The following ZNF567 variants were observed in gnomAD, a reference collection of about 807,000 sequenced individuals.
The protein encoded by ZNF567 is zinc finger protein 567.
ZNF567 carries 36 observed loss-of-function variants against 53.9 expected under a neutral mutation model. That is an observed-to-expected ratio of 0.67 (90% CI 0.51 to 0.88). The LOEUF is 0.88. Ranked by LOEUF, ZNF567 falls within the 40% of genes least tolerant of loss-of-function variation. The probability of loss-of-function intolerance (pLI) is 0.00; values close to 1 mark genes in which losing one functional copy is unlikely to be tolerated. For missense variants in ZNF567, 619 were observed against 764.7 expected (o/e 0.81, Z 2.25); for synonymous variants, 224 against 260.4 (o/e 0.86, Z 1.35).
At chr19:36,669,880 A>G in the ZNF567 span, among the ~76,000 whole-genome samples, 1 of 152,160 alleles carries the variant, frequency 6.6e-6, no homozygotes, top group Non-Finnish European at 1.5e-5. Context: ...CTTGACCTAG[A>G]AGTCTTCCAC....
the ZNF567 span, among the ~76,000 whole-genome samples, chr19:36,670,239 C>A: frequency 1.3e-5 from 2 of 151,920 alleles, no homozygotes; most frequent in African/African-American, 4.8e-5. Flanking sequence ...TGGTTGTATC[C>A]CCAATACCAT....
intron 3 of ZNF567, among the ~76,000 whole-genome samples, chr19:36,704,679 A>G (rs978636096): frequency 1.3e-5 from 2 of 152,126 alleles, no homozygotes; most frequent in Non-Finnish European, 2.9e-5. Context: ...TCTAATGTAT[A>G]GTTTTTCTGT....
chr19:36,678,455 A>G, the ZNF567 span, among the ~76,000 whole-genome samples: 1 of 152,236 alleles, frequency 6.6e-6, no homozygotes, highest in East Asian at 1.9e-4. Context: ...ATGAAGAGAC[A>G]ACCCAAAGAT....
Position 36,720,194 on chromosome 19 carries a change from A to T in ZNF567, c.1470A>T (p.Ser490=). Residue 490 remains serine, a synonymous_variant, in exon 6 of 6, where the codon TCA becomes TCT. Transcript: ENST00000682579. ...PHCGKAFRMK[S]YLIDHHRTHT... is the part of the protein sequence containing the mutation. ...GTGGGAAGGCCTTTAGAATGAAGTC[A>T]TACCTCATTGATCATCACCGAACTC... The T allele has an allele frequency of 6.2e-7, 1 of 1,614,172 alleles. No homozygotes were observed. Among genetic ancestry groups the T allele is most frequent in the Middle Eastern group, 1.6e-4 (1 of 6,062 alleles).
downstream of ZNF567, among the ~76,000 whole-genome samples, chr19:36,725,278 C>G (rs527858323): frequency 9.9e-5 from 15 of 151,842 alleles, no homozygotes; most frequent in South Asian, 2.9e-3. Flanking sequence ...TCTCGGCTCA[C>G]TGCAACCTCC....
At chr19:36,716,557 A>T (rs1045743081) in intron 5 of ZNF567, among the ~76,000 whole-genome samples, 12 of 152,208 alleles carry the variant, frequency 7.9e-5, no homozygotes, top group African/African-American at 2.2e-4. Flanking sequence ...CTTTGAAGGA[A>T]TCAAGCATTC....
chr19:36,675,940 T>C, the ZNF567 span, among the ~76,000 whole-genome samples: 1 of 152,300 alleles, frequency 6.6e-6, no homozygotes, highest in East Asian at 1.9e-4. Context: ...TATGTACATG[T>C]ATCTGTATGT....
At chr19:36,694,722 G>A (rs1422907477) in intron 2 of ZNF567, 80 bp from the exon 3 acceptor site, 3 of 685,494 alleles carry the variant, frequency 4.4e-6, no homozygotes, top group Non-Finnish European at 7.1e-6. Flanking sequence ...GGAAATGGAG[G>A]CAATTTTAAT....
chr19:36,691,406 T>C (rs1306708325), intron 2 of ZNF567, among the ~76,000 whole-genome samples: 1 of 152,002 alleles, frequency 6.6e-6, no homozygotes, highest in Non-Finnish European at 1.5e-5. Context: ...GCTCAAGTGA[T>C]CTGCCCACCT....
chr19:36,709,254 CTAAG>C (rs894330524), intron 3 of ZNF567, among the ~76,000 whole-genome samples: 12 of 152,162 alleles, frequency 7.9e-5, no homozygotes, highest in African/African-American at 2.9e-4. Flanking sequence ...GTGTCCATAA[CTAAG>C]TTTTATTGAA....
At chr19:36,688,731 C>G (rs539430174) in intron 1 of ZNF567, among the ~76,000 whole-genome samples, 1 of 148,068 alleles carries the variant, frequency 6.8e-6, no homozygotes, top group East Asian at 2.0e-4. Flanking sequence ...GGCGTGAACC[C>G]GGGAGGCGGA....
the ZNF567 span, among the ~76,000 whole-genome samples, chr19:36,673,061 C>A: frequency 6.6e-6 from 1 of 150,978 alleles, no homozygotes; most frequent in East Asian, 1.9e-4. Context: ...GATATACTGA[C>A]TTTATATTAG....
chr19:36,670,805 C>A, the ZNF567 span, among the ~76,000 whole-genome samples: 494 of 152,220 alleles, frequency 3.2e-3, 2 homozygotes, highest in African/African-American at 0.012. Flanking sequence ...TTTCCTTCCA[C>A]GAGATACTGC....
chr19:36,720,728 G>C lies in ZNF567; in HGVS notation c.*60G>C. 7.1e-7 allele frequency: 1 copy of C among 1,404,574 alleles called. No individual in the cohort carries two copies. Among genetic ancestry groups the C allele is most frequent in the Non-Finnish European group, 9.5e-7 (1 of 1,054,698 alleles). The allele number at this position is 1,404,574 out of a possible 1,614,324, so 87.0% of individuals were successfully genotyped here. A position where few individuals can be genotyped will look rare whatever the true frequency, so the allele number is the denominator to read the frequency against. On this transcript the variant is annotated 3_prime_UTR_variant, in exon 6 of 6. Transcript: ENST00000682579. ...TGTTGTAAACATTTAGTTTTAAAAA[G>C]AAAAGCATGCTGAAACATGTTAATG...
At chr19:36,683,140 C>G (rs1223687359), upstream of ZNF567, among the ~76,000 whole-genome samples, 1 of 151,776 alleles carries the variant, frequency 6.6e-6, no homozygotes, top group Non-Finnish European at 1.5e-5. Flanking sequence ...GGCACAATCA[C>G]GGCTCACTAC....
At chr19:36,689,236 A>AGAGTGT (rs977076097) in intron 1 of ZNF567, among the ~76,000 whole-genome samples, 161 bp from the exon 2 acceptor site, 27 of 138,906 alleles carry the variant, frequency 1.9e-4, no homozygotes, top group Non-Finnish European at 3.4e-4. Context: ...CCTATTTGAG[A>AGAGTGT]GTGTGTGTGT....
chr19:36,724,469 G>A (rs2040327138), downstream of ZNF567, among the ~76,000 whole-genome samples: 1 of 151,480 alleles, frequency 6.6e-6, no homozygotes, highest in Non-Finnish European at 1.5e-5. Context: ...GATCAATTGA[G>A]GTCAGAAGTT....
downstream of ZNF567, chr19:36,723,457 C>T (rs2040320672): frequency 1.4e-5 from 7 of 518,022 alleles, no homozygotes; most frequent in Admixed American, 3.5e-5. Context: ...AAACATACTA[C>T]ATATATTCAT....
At chr19:36,682,404 CAA>C in the ZNF567 span, among the ~76,000 whole-genome samples, 2 of 151,072 alleles carry the variant, frequency 1.3e-5, no homozygotes, top group Admixed American at 6.6e-5. Flanking sequence ...AGGTCAGACA[CAA>C]GAGTACATAC....
Sources: allele counts gnomAD v4.1 joint callset (sites outside exome capture counted in the v4.1 genomes callset), GRCh38; gene constraint gnomAD v4.1.1; transcripts MANE v1.5; gene names NCBI Gene and HGNC (gene_info 2026-07-23, HGNC 2026-07-21).